SOX5: variants seen among roughly 807,000 people sequenced by gnomAD.
The protein encoded by SOX5 is SRY-box transcription factor 5, also known as transcription factor SOX-5.
SOX5 carries 9 observed loss-of-function variants against 92.0 expected under a neutral mutation model. That is an observed-to-expected ratio of 0.10 (90% CI 0.06 to 0.17). The LOEUF (loss-of-function observed/expected upper bound fraction) is 0.17, where lower values mean the gene tolerates loss of function less well. SOX5 is among the 10% of genes least tolerant of loss of function. SOX5 has a pLI of 1.00. For synonymous variants in SOX5, 344 were observed against 336.3 expected (o/e 1.02, Z -0.25); for missense variants, 642 against 944.5 (o/e 0.68, Z 4.20).
chr12:24,204,656 G>A (rs1957851972), intron 4 of SOX5, among the ~76,000 whole-genome samples: 1 of 152,098 alleles, frequency 6.6e-6, no homozygotes, highest in African/African-American at 2.4e-5. Flanking sequence ...TGTTGATATT[G>A]TGTCTTCAGG....
intron 1 of SOX5, among the ~76,000 whole-genome samples, chr12:24,450,497 T>G (rs80095080): frequency 0.23 from 35,205 of 150,954 alleles, 4,927 homozygotes; most frequent in East Asian, 0.67. Context: ...TTTATTTATT[T>G]ATTTATTTAT....
At chr12:24,095,449 T>G (rs1041011336) in intron 4 of SOX5, among the ~76,000 whole-genome samples, 22 of 151,032 alleles carry the variant, frequency 1.5e-4, no homozygotes, top group African/African-American at 5.3e-4. Flanking sequence ...ATTTATTTAT[T>G]TATTTATTTA....
chr12:24,300,223 A>C (rs1947795979), intron 2 of SOX5, among the ~76,000 whole-genome samples: 2 of 152,216 alleles, frequency 1.3e-5, no homozygotes, highest in Non-Finnish European at 2.9e-5. Flanking sequence ...AAAATAGAAA[A>C]ACATGCCAGA....
intron 7 of SOX5, among the ~76,000 whole-genome samples, chr12:23,661,795 G>T (rs572053063): frequency 1.3e-4 from 20 of 152,228 alleles, no homozygotes; most frequent in African/African-American, 4.1e-4. Context: ...CAATTCATTT[G>T]TATACCCAGT....
intron 1 of SOX5, among the ~76,000 whole-genome samples, chr12:24,529,724 A>G (rs1326180071): frequency 3.9e-5 from 6 of 152,316 alleles, no homozygotes; most frequent in African/African-American, 1.4e-4. Context: ...TATTCTAGTT[A>G]AAAAGCCATA....
chr12:24,007,749 G>GTATATAAATGTATATAAATGTATATA (rs1569475866), intron 4 of SOX5, among the ~76,000 whole-genome samples: 4 of 3,878 alleles, frequency 1.0e-3, no homozygotes, highest in Admixed American at 5.1e-3. Context: ...ATATATTTAT[G>GTATATAAATGTATATAAATGTATATA]TATATAAATG....
intron 3 of SOX5, among the ~76,000 whole-genome samples, chr12:23,807,798 C>T (rs766344397): frequency 1.3e-5 from 2 of 151,968 alleles, no homozygotes; most frequent in Non-Finnish European, 2.9e-5. Context: ...CAGGTGCCCA[C>T]CACCATGCCC....
chr12:24,165,253 C>A (rs1303774893), intron 4 of SOX5, among the ~76,000 whole-genome samples: 1 of 151,966 alleles, frequency 6.6e-6, no homozygotes, highest in African/African-American at 2.4e-5. Context: ...TTGCTGAGTG[C>A]CTAGTATGTA....
intron 9 of SOX5, among the ~76,000 whole-genome samples, chr12:23,578,146 A>AAAAAAAAAAAAAAAC (rs1565984217): frequency 3.6e-5 from 5 of 137,408 alleles, no homozygotes; most frequent in African/African-American, 1.3e-4. Flanking sequence ...AAAAAAAAAA[A>AAAAAAAAAAAAAAAC]AAAACTATAG....
chr12:23,739,776 A>G (rs984066947), intron 5 of SOX5, among the ~76,000 whole-genome samples: 22 of 152,198 alleles, frequency 1.4e-4, no homozygotes, highest in African/African-American at 5.3e-4. Context: ...TTTAGATCCC[A>G]GCTCAACTGC....
At chr12:24,386,378 T>C (rs1024495188) in intron 1 of SOX5, among the ~76,000 whole-genome samples, 1 of 152,170 alleles carries the variant, frequency 6.6e-6, no homozygotes. Flanking sequence ...ACTTTTATAG[T>C]ACCTCAAACC....
chr12:23,820,786 C>A (rs1262201972), intron 3 of SOX5, among the ~76,000 whole-genome samples: 1 of 152,106 alleles, frequency 6.6e-6, no homozygotes, highest in Non-Finnish European at 1.5e-5. Flanking sequence ...GTCTATATCT[C>A]TGTTTTCATA....
intron 9 of SOX5, among the ~76,000 whole-genome samples, chr12:23,595,530 A>G (rs951046675): frequency 4.0e-5 from 6 of 149,396 alleles, no homozygotes; most frequent in Non-Finnish European, 5.9e-5. Context: ...GAGGCAGGAG[A>G]ATGGTGTGAA....
chr12:24,132,757 C>T (rs895544277), intron 4 of SOX5, among the ~76,000 whole-genome samples: 4 of 151,978 alleles, frequency 2.6e-5, no homozygotes, highest in African/African-American at 4.8e-5. Flanking sequence ...ATGGAAAACA[C>T]GACAGAACTC....
intron 4 of SOX5, among the ~76,000 whole-genome samples, chr12:23,755,353 T>A (rs574255297): frequency 6.6e-6 from 1 of 151,900 alleles, no homozygotes; most frequent in African/African-American, 2.4e-5. Context: ...ATTTAATTTT[T>A]GAAAATAATT....
chr12:23,893,055 G>C (rs1410160579), intron 2 of SOX5, among the ~76,000 whole-genome samples: 1 of 152,182 alleles, frequency 6.6e-6, no homozygotes, highest in Non-Finnish European at 1.5e-5. Flanking sequence ...AAAGAAGTTT[G>C]TGTCTTACTC....
intron 2 of SOX5, among the ~76,000 whole-genome samples, chr12:23,867,447 A>T (rs2096826926): frequency 1.3e-5 from 2 of 152,230 alleles, no homozygotes; most frequent in South Asian, 4.1e-4. Flanking sequence ...TTCCTATCTC[A>T]AAGTAAGAGA....
At chr12:24,255,573 G>C (rs1005770699) in intron 3 of SOX5, among the ~76,000 whole-genome samples, 7 of 152,156 alleles carry the variant, frequency 4.6e-5, no homozygotes, top group Admixed American at 1.3e-4. Flanking sequence ...GGGGGATGGA[G>C]AGTAAAGTGG....
chr12:23,553,417 A>T (rs909708436), intron 11 of SOX5, among the ~76,000 whole-genome samples: 4 of 152,062 alleles, frequency 2.6e-5, no homozygotes, highest in Admixed American at 2.6e-4. Flanking sequence ...TACTCAAAAG[A>T]ATGTATAGAA....
Sources: allele counts gnomAD v4.1 joint callset (sites outside exome capture counted in the v4.1 genomes callset), GRCh38; gene constraint gnomAD v4.1.1; transcripts MANE v1.5; gene names NCBI Gene and HGNC (gene_info 2026-07-23, HGNC 2026-07-21).